The following TEN1 variants were observed in gnomAD, a reference collection of about 807,000 sequenced individuals.
The protein encoded by TEN1 is CST complex subunit TEN1.
In TEN1, 6 loss-of-function variants were observed where a neutral mutation model predicts 9.3. That is an observed-to-expected ratio of 0.65 (90% confidence interval 0.35 to 1.27). The LOEUF is 1.27. TEN1 is among the 50% of genes most tolerant of loss of function. The probability of loss-of-function intolerance (pLI) is 0.03; values close to 1 mark genes in which losing one functional copy is unlikely to be tolerated. For synonymous variants in TEN1, 65 were observed against 65.6 expected (o/e 0.99, Z 0.04); for missense variants, 149 against 158.2 (o/e 0.94, Z 0.31).
At chr17:75,994,784 T>A (rs2066209074) in intron 3 of TEN1, among the ~76,000 whole-genome samples, 1 of 152,030 alleles carries the variant, frequency 6.6e-6, no homozygotes, top group Non-Finnish European at 1.5e-5. Flanking sequence ...CCTGTCTTGA[T>A]TATCTAAGTC....
At chr17:75,979,699 G>A (rs1290517380) in intron 1 of TEN1, among the ~76,000 whole-genome samples, 188 bp downstream of exon 1, 6 of 152,162 alleles carry the variant, frequency 3.9e-5, no homozygotes, top group Non-Finnish European at 8.8e-5. Flanking sequence ...GGAATTGCTA[G>A]GGAGGGTCAC....
intron 2 of TEN1, among the ~76,000 whole-genome samples, chr17:75,990,493 G>T (rs572194517): frequency 2.3e-4 from 35 of 149,052 alleles, no homozygotes; most frequent in African/African-American, 8.7e-4. Context: ...AGTAGGCAAA[G>T]ATTTCTTTTT....
At chr17:75,992,619 T>C (rs2144357075) in intron 3 of TEN1, among the ~76,000 whole-genome samples, 2 of 149,640 alleles carry the variant, frequency 1.3e-5, no homozygotes, top group South Asian at 4.3e-4. Flanking sequence ...TTCACGCCAT[T>C]CTCCTGCCTC....
chr17:75,985,907 T>C (rs544875251), intron 1 of TEN1, among the ~76,000 whole-genome samples: 1 of 151,758 alleles, frequency 6.6e-6, no homozygotes, highest in East Asian at 1.9e-4. Flanking sequence ...TTTTTTATTA[T>C]ACTTTAAGTT....
Position 76,000,088 on chromosome 17 carries a change from C to T in TEN1, c.251-53C>T, listed in dbSNP as rs1432651043. The T allele has an allele frequency of 2.0e-5, 30 of 1,535,694 alleles. No homozygotes were observed. The highest frequency in any genetic ancestry group is 6.1e-5 in the South Asian group (5 of 82,570). On this transcript the variant is annotated intron_variant, in intron 3 of 3. Transcript: ENST00000397640. This position sits in a 1 kb window ranked among gnomAD's most constrained non-coding sequence, Gnocchi z 5.9. ...AACAGCTGGAATGCACCTTGGAGGA[C>T]GTTGTTGACACGCCGCTCAGTCGCC...
chr17:75,981,639 T>A (rs1302305194), intron 1 of TEN1, among the ~76,000 whole-genome samples: 5 of 148,902 alleles, frequency 3.4e-5, no homozygotes, highest in Non-Finnish European at 7.4e-5. Flanking sequence ...CTCCCTCAGG[T>A]GCATTCTCCC....
intron 1 of TEN1, among the ~76,000 whole-genome samples, chr17:75,982,377 A>G (rs1392383057): frequency 6.6e-6 from 1 of 152,170 alleles, no homozygotes; most frequent in African/African-American, 2.4e-5. Context: ...ATTTGTACAC[A>G]TTTTTGACTA....
At chr17:75,989,166 C>G (rs1455798614) in intron 2 of TEN1, among the ~76,000 whole-genome samples, 1 of 151,790 alleles carries the variant, frequency 6.6e-6, no homozygotes, top group Non-Finnish European at 1.5e-5. Context: ...GTGGCGCGAT[C>G]TCAGCTCACT....
At chr17:75,982,903 G>T (rs1275056257) in intron 1 of TEN1, among the ~76,000 whole-genome samples, 1 of 150,236 alleles carries the variant, frequency 6.7e-6, no homozygotes, top group African/African-American at 2.5e-5. Context: ...TAGAGACGGG[G>T]TGTCACCACA....
intron 1 of TEN1, 22 bp downstream of exon 1, chr17:75,979,533 G>C (rs1005013275): frequency 6.6e-6 from 2 of 302,638 alleles, no homozygotes; most frequent in Non-Finnish European, 1.3e-5. Context: ...CCTTGGGAAG[G>C]GGGCGGGACA....
intron 3 of TEN1, among the ~76,000 whole-genome samples, chr17:75,993,955 T>C (rs12051832): frequency 0.5 from 75,632 of 151,278 alleles, 22,416 homozygotes; most frequent in African/African-American, 0.85. Context: ...GCGGAGATCG[T>C]GCCACTGCAC....
intron 3 of TEN1, among the ~76,000 whole-genome samples, chr17:75,999,038 G>A (rs1203497172): frequency 1.3e-5 from 2 of 150,750 alleles, no homozygotes; most frequent in Admixed American, 6.6e-5. Flanking sequence ...TATGACTGGG[G>A]AAAAAAGAAA....
intron 2 of TEN1, among the ~76,000 whole-genome samples, chr17:75,989,953 C>T (rs1478791599): frequency 6.6e-6 from 1 of 150,850 alleles, no homozygotes; most frequent in East Asian, 2.0e-4. Flanking sequence ...CGCTGTATTG[C>T]CCAGGCTGGT....
At chr17:75,986,644 C>T (rs1394507825) in intron 2 of TEN1, among the ~76,000 whole-genome samples, 5 of 151,660 alleles carry the variant, frequency 3.3e-5, no homozygotes, top group South Asian at 4.2e-4. Context: ...GAGGTTGTAG[C>T]GAGCCGAAAT....
chr17:75,988,629 T>C (rs1248130959), intron 2 of TEN1, among the ~76,000 whole-genome samples: 1 of 150,716 alleles, frequency 6.6e-6, no homozygotes, highest in African/African-American at 2.4e-5. Context: ...GATGAGATCC[T>C]ATTATATTAC....
intron 2 of TEN1, among the ~76,000 whole-genome samples, chr17:75,988,511 G>C (rs939838505): frequency 1.6e-5 from 2 of 128,206 alleles, no homozygotes; most frequent in Admixed American, 1.9e-4. Flanking sequence ...GCAGTGAGCC[G>C]AGACTGCACC....
At chr17:75,990,498 C>CT (rs113464828) in intron 2 of TEN1, among the ~76,000 whole-genome samples, 9,113 of 140,538 alleles carry the variant, frequency 0.065, 276 homozygotes, top group African/African-American at 0.078. Flanking sequence ...GCAAAGATTT[C>CT]TTTTTTTTTT....
intron 2 of TEN1, among the ~76,000 whole-genome samples, chr17:75,988,603 G>C (rs72865833): frequency 2.1e-5 from 3 of 139,930 alleles, no homozygotes; most frequent in Admixed American, 1.5e-4. Flanking sequence ...GAAGAAGAAA[G>C]CAATATTTTA....
chr17:75,991,166 A>G (rs1217301702), intron 2 of TEN1, among the ~76,000 whole-genome samples: 1 of 150,148 alleles, frequency 6.7e-6, no homozygotes, highest in Non-Finnish European at 1.5e-5. Flanking sequence ...AAAAAAAAAA[A>G]AAGAAAAAAG....
Sources: gnomAD v4.1 joint callset for allele counts (sites outside exome capture counted in the v4.1 genomes callset) on GRCh38, gnomAD v4.1.1 for gene constraint, Gnocchi (gnomAD v3.1) non-coding constraint, MANE v1.5 for transcripts, NCBI Gene and HGNC (gene_info 2026-07-23, HGNC 2026-07-21) for gene names.